Variants in CNKSR3 observed in about 807,000 individuals in gnomAD.
CNKSR3 encodes CNKSR family member 3.
Under a neutral mutation model 67.7 loss-of-function variants are expected in CNKSR3, and 36 were observed. The ratio of observed to expected loss-of-function variants is 0.53; its 90% confidence interval spans 0.41 to 0.70. The LOEUF is 0.70. Among genes scored for constraint, CNKSR3 ranks in the 30% least tolerant of loss-of-function variants. CNKSR3 has a pLI of 0.00. For missense variants in CNKSR3, 630 were observed against 695.2 expected, an observed-to-expected ratio of 0.91 and a Z score of 1.05; for synonymous variants, 281 against 271.4, an observed-to-expected ratio of 1.04 and a Z score of -0.35.
intron 1 of CNKSR3, among the ~76,000 whole-genome samples, chr6:154,505,288 GT>G (rs1787074915): frequency 9.3e-6 from 1 of 108,010 alleles, no homozygotes; most frequent in Admixed American, 8.1e-5. Flanking sequence ...AGACTGCTAT[GT>G]GTCATAAACA....
intron 6 of CNKSR3, among the ~76,000 whole-genome samples, chr6:154,429,775 A>T (rs1562328467): frequency 6.6e-6 from 1 of 152,040 alleles, no homozygotes; most frequent in Non-Finnish European, 1.5e-5. Context: ...CTGCAGCCAC[A>T]TTAATGCACA....
intron 7 of CNKSR3, among the ~76,000 whole-genome samples, chr6:154,423,217 C>T (rs536685332): frequency 1.3e-5 from 2 of 152,246 alleles, no homozygotes; most frequent in Non-Finnish European, 2.9e-5. Flanking sequence ...TCTGTTAGAA[C>T]AGCCAGGTTC....
intron 1 of CNKSR3, among the ~76,000 whole-genome samples, chr6:154,493,012 C>A (rs1185847492): frequency 6.6e-6 from 1 of 152,162 alleles, no homozygotes; most frequent in East Asian, 1.9e-4. Context: ...TGCAAAGCCA[C>A]CATTATCATT....
At chr6:154,505,715 T>G (rs550002232) in intron 1 of CNKSR3, among the ~76,000 whole-genome samples, 1 of 149,096 alleles carries the variant, frequency 6.7e-6, no homozygotes, top group East Asian at 2.4e-4. Context: ...TTGGTCAGGA[T>G]GGTCTCGATC....
chr6:154,435,092 C>T (rs928690729), intron 4 of CNKSR3, among the ~76,000 whole-genome samples: 2 of 150,900 alleles, frequency 1.3e-5, no homozygotes, highest in African/African-American at 2.4e-5. Context: ...ACCTCCTGGG[C>T]TCAAGTGATC....
intron 1 of CNKSR3, among the ~76,000 whole-genome samples, chr6:154,478,006 C>T (rs1371842947): frequency 2.6e-5 from 4 of 152,144 alleles, no homozygotes; most frequent in Admixed American, 6.5e-5. Flanking sequence ...AGAGAGGCAG[C>T]GAACACACAA....
At chr6:154,494,768 ATTCTATTCACCCTCT>A (rs2114652858) in intron 1 of CNKSR3, among the ~76,000 whole-genome samples, 1 of 152,212 alleles carries the variant, frequency 6.6e-6, no homozygotes, top group African/African-American at 2.4e-5. Context: ...CCCTGTCAGT[ATTCTATTCACCCTCT>A]TGCCTTGGCA....
rs1193999851 is a variant in CNKSR3 at position 154,389,695 on chromosome 6, T to C, written c.*16659A>G. 6.6e-6 allele frequency: 1 copy of C among 152,184 alleles called. No homozygotes were observed. The highest frequency in any genetic ancestry group is 2.4e-5 in the African/African-American group (1 of 41,450). 9.4% of individuals were successfully genotyped at this position (152,184 alleles called of 1,614,324 possible). ...AACATGTTAGAATAAAGGAATTCAA[T>C]AAAGTTGCATAATACAAAATCAACA... On this transcript the variant is annotated 3_prime_UTR_variant, in exon 13 of 13. Coordinates refer to ENST00000607772, the MANE Select transcript of CNKSR3 (RefSeq NM_173515.4).
At chr6:154,468,001 T>A (rs888602300) in intron 1 of CNKSR3, among the ~76,000 whole-genome samples, 2 of 151,662 alleles carry the variant, frequency 1.3e-5, no homozygotes, top group Admixed American at 6.6e-5. Flanking sequence ...CTCAGGTGAT[T>A]TGCCTGCCTC....
intron 9 of CNKSR3, among the ~76,000 whole-genome samples, chr6:154,418,361 A>C (rs542577028): frequency 2.6e-5 from 4 of 152,162 alleles, no homozygotes; most frequent in Non-Finnish European, 5.9e-5. Flanking sequence ...TACACCTAAG[A>C]CTCTGCTCTA....
Position 154,482,434 on chromosome 6 carries a change from G to C in CNKSR3, c.52+27629C>G, listed in dbSNP as rs557041159. Among the ~76,000 whole-genome samples the C allele has an allele frequency of 8.1e-4, 124 of 152,278 alleles. 2 individuals carry two copies. Among genetic ancestry groups the C allele is most frequent in the Middle Eastern group, 3.4e-3 (1 of 294 alleles). On this transcript the variant is annotated intron_variant, in intron 1 of 12. Coordinates refer to ENST00000607772, the MANE Select transcript of CNKSR3 (RefSeq NM_173515.4). ...GGCCATGACACCTTTCTGTTCCTAA[G>C]AGGCACTTAGATTTTTAGATTATTT... is the stretch of plus-strand genomic sequence containing the variant.
intron 1 of CNKSR3, among the ~76,000 whole-genome samples, chr6:154,482,577 A>C (rs1377327567): frequency 6.6e-6 from 1 of 152,248 alleles, no homozygotes; most frequent in East Asian, 1.9e-4. Context: ...TGTAAAAAGG[A>C]ACAGATTCAA....
At chr6:154,508,739 A>C (rs1171673316) in intron 1 of CNKSR3, among the ~76,000 whole-genome samples, 1 of 152,236 alleles carries the variant, frequency 6.6e-6, no homozygotes, top group Non-Finnish European at 1.5e-5. Context: ...ATAGGAGTCC[A>C]GGAAATTCTG....
intron 1 of CNKSR3, among the ~76,000 whole-genome samples, chr6:154,490,997 G>A (rs1264359589): frequency 3.3e-5 from 5 of 151,958 alleles, no homozygotes; most frequent in East Asian, 1.9e-4. Context: ...ACAAGCGCCC[G>A]CCACCATGCC....
intron 1 of CNKSR3, among the ~76,000 whole-genome samples, chr6:154,496,716 C>A (rs1443609397): frequency 2.0e-5 from 3 of 152,090 alleles, no homozygotes; most frequent in African/African-American, 7.2e-5. Flanking sequence ...TACAAGAGCC[C>A]AATCATATAT....
At chr6:154,478,978 C>T (rs1786509316) in intron 1 of CNKSR3, among the ~76,000 whole-genome samples, 1 of 152,222 alleles carries the variant, frequency 6.6e-6, no homozygotes, top group Non-Finnish European at 1.5e-5. Flanking sequence ...TTTTCACAAA[C>T]ATTTCCTAAA....
At chr6:154,445,137 TAGTG>T (rs1172070082) in intron 2 of CNKSR3, among the ~76,000 whole-genome samples, 2 of 152,102 alleles carry the variant, frequency 1.3e-5, no homozygotes, top group Non-Finnish European at 1.5e-5. Flanking sequence ...TGTTACCTCC[TAGTG>T]AAACAAAAAA....
At chr6:154,486,808 T>A (rs965544083) in intron 1 of CNKSR3, among the ~76,000 whole-genome samples, 6 of 152,160 alleles carry the variant, frequency 3.9e-5, no homozygotes, top group Non-Finnish European at 5.9e-5. Context: ...TTTCTTTTTT[T>A]AAAATATTTT....
intron 2 of CNKSR3, among the ~76,000 whole-genome samples, chr6:154,448,028 T>C (rs1047102565): frequency 6.6e-6 from 1 of 151,996 alleles, no homozygotes; most frequent in Non-Finnish European, 1.5e-5. Flanking sequence ...TGACCCCCCC[T>C]GTCCAATGTA....
Sources: gnomAD v4.1 joint callset for allele counts (sites outside exome capture counted in the v4.1 genomes callset) on GRCh38, gnomAD v4.1.1 for gene constraint, MANE v1.5 for transcripts, NCBI Gene and HGNC (gene_info 2026-07-23, HGNC 2026-07-21) for gene names.